FAS: variants seen among roughly 807,000 people sequenced by gnomAD.
The protein encoded by FAS is tumor necrosis factor receptor superfamily member 6.
Under a neutral mutation model 33.2 loss-of-function variants are expected in FAS, and 5 were observed. The observed-to-expected ratio is 0.15, with a 90% CI of 0.08 to 0.32. FAS has a LOEUF of 0.32. FAS is among the 10% of genes least tolerant of loss of function. The pLI is 1.00. For missense variants in FAS, 339 were observed against 386.0 expected, an observed-to-expected ratio of 0.88 and a Z score of 1.02; for synonymous variants, 131 against 130.7, an observed-to-expected ratio of 1.00 and a Z score of -0.01.
At chr10:88,987,525 G>A (rs1846939002), upstream of FAS, among the ~76,000 whole-genome samples, 1 of 152,176 alleles carries the variant, frequency 6.6e-6, no homozygotes, top group African/African-American at 2.4e-5. Flanking sequence ...AGCTCTGGCA[G>A]GGCCACAAGC....
At chr10:88,975,628 T>A (rs182771804) in intron 2 of FAS, among the ~76,000 whole-genome samples, 21 of 151,720 alleles carry the variant, frequency 1.4e-4, no homozygotes, top group African/African-American at 5.1e-4. Flanking sequence ...GATCGTAAGT[T>A]CCATGAGAGT....
chr10:88,997,845 G>A (rs9658705), intron 1 of FAS, among the ~76,000 whole-genome samples: 2,172 of 152,270 alleles, frequency 0.014, 55 homozygotes, highest in African/African-American at 0.049. Context: ...GCAGTAGAGG[G>A]TGGTGAGATT....
chr10:89,006,448 G>A (rs1342628851), intron 2 of FAS, among the ~76,000 whole-genome samples: 2 of 152,096 alleles, frequency 1.3e-5, no homozygotes, highest in Non-Finnish European at 2.9e-5. Context: ...AAGTTATTAA[G>A]GAATTCATGT....
chr10:88,984,237 T>C (rs1031379682), upstream of FAS, among the ~76,000 whole-genome samples: 1 of 152,178 alleles, frequency 6.6e-6, no homozygotes, highest in African/African-American at 2.4e-5. Flanking sequence ...CCTTGAGAAA[T>C]AGTAGGAGCC....
chr10:88,967,413 A>C (rs753269669), intron 1 of FAS, among the ~76,000 whole-genome samples: 1 of 152,168 alleles, frequency 6.6e-6, no homozygotes, highest in Non-Finnish European at 1.5e-5. Context: ...CATCTATAAA[A>C]TGAGAAGGAT....
intron 3 of FAS, 21 bp downstream of exon 3, chr10:89,007,858 T>C (rs1486664933): frequency 6.2e-7 from 1 of 1,613,492 alleles, no homozygotes. Flanking sequence ...TAAAATGCAA[T>C]TGAAAGAGGC....
rs1397965268 is a variant in FAS, at chr10:89,016,218, C to T, written c.*1768C>T. 4.6e-6 allele frequency: 1 copy of T among 217,116 alleles called. No homozygotes were observed. Among genetic ancestry groups the T allele is most frequent in the Non-Finnish European group, 9.3e-6 (1 of 107,934 alleles). 13.4% of individuals were successfully genotyped at this position (217,116 alleles called of 1,614,324 possible). ...CATGAGTCCCAAAGTATTAGCATTT[C>T]AACATGTAAGCATGTCGGTAAGATA... On this transcript the variant is annotated 3_prime_UTR_variant, in exon 9 of 9. Transcript: ENST00000652046.
At position 89,014,471 on chromosome 10, in the gene FAS, G is replaced by T; in HGVS notation, c.*21G>T. 2 of 1,598,356 alleles carry T rather than the reference G, an allele frequency of 1.3e-6. No homozygotes were observed. Among genetic ancestry groups the T allele is most frequent in the East Asian group, 4.5e-5 (2 of 44,808 alleles). On this transcript the variant is annotated 3_prime_UTR_variant, in exon 9 of 9. Coordinates refer to ENST00000652046, the MANE Select transcript of FAS (RefSeq NM_000043.6). ...TCTAGAGTGAAAAACAACAAATTCA[G>T]TTCTGAGTATATGCAATTAGTGTTT...
intron 2 of FAS, chr10:88,975,058 C>T (rs185945232): frequency 9.9e-5 from 15 of 151,938 alleles, no homozygotes; most frequent in African/African-American, 3.4e-4. Flanking sequence ...GCATGTAGTT[C>T]GTGCTCCATG....
chr10:88,978,021 T>G (rs1171536035), intron 2 of FAS, among the ~76,000 whole-genome samples: 1 of 43,492 alleles, frequency 2.3e-5, no homozygotes, highest in African/African-American at 9.6e-5. Flanking sequence ...AATGATAGAC[T>G]GGATTAAGAA....
Position 89,007,730 on chromosome 10 carries a change from A to G in FAS, c.227A>G (p.Asn76Ser), listed in dbSNP as rs574101415. ...AGGAAAGCTAGGGACTGCACAGTCAATGGGGATGAACCAGACTGCGTGCCC... is the reference window on the plus strand; with the variant it reads ...AGGAAAGCTAGGGACTGCACAGTCAGTGGGGATGAACCAGACTGCGTGCCC... ...GERKARDCTV[N>S]GDEPDCVPCQ... The change falls in exon 3 of 9, where the codon AAT becomes AGT. Residue 76 changes from asparagine (N) to serine (S), a missense_variant. Around this residue, in one of 3 missense-constraint regions of FAS, gnomAD observed 276 missense variants for 300.1 expected, o/e 0.92. Coordinates refer to ENST00000652046, the MANE Select transcript of FAS (RefSeq NM_000043.6). 1.9e-5 allele frequency: 30 copies of G among 1,613,898 alleles called. No individual in the cohort carries two copies. Among genetic ancestry groups the G allele is most frequent in the Non-Finnish European group, 2.5e-5 (29 of 1,179,948 alleles).
At chr10:88,989,616 G>C, upstream of FAS, 1 of 533,536 alleles carries the variant, frequency 1.9e-6, no homozygotes, top group East Asian at 4.6e-5. Context: ...CAGGGTGATG[G>C]AAAGCCCTCA....
chr10:88,997,954 T>C (rs529176443), intron 1 of FAS, among the ~76,000 whole-genome samples: 1 of 152,324 alleles, frequency 6.6e-6, no homozygotes, highest in South Asian at 2.1e-4. Context: ...GGAAATCTCT[T>C]GCCTATTTAG....
Position 89,016,152 on chromosome 10 carries a change from C to G in FAS, c.*1702C>G, listed in dbSNP as rs765005385. 10 of 220,014 alleles carry G rather than the reference C, an allele frequency of 4.5e-5. No individual in the cohort carries two copies. Among genetic ancestry groups the G allele is most frequent in the Non-Finnish European group, 9.1e-5 (10 of 109,846 alleles). 13.6% of individuals were successfully genotyped at this position (220,014 alleles called of 1,614,324 possible). ...ACATGCTGGCCAGTGGGCCACCTTT[C>G]TTTTCTGCAATTTAATGCTAGTAAT... On this transcript the variant is annotated 3_prime_UTR_variant, in exon 9 of 9. Transcript: ENST00000652046.
upstream of FAS, among the ~76,000 whole-genome samples, chr10:88,985,625 C>T (rs1197486594): frequency 6.6e-6 from 1 of 152,206 alleles, no homozygotes; most frequent in Non-Finnish European, 1.5e-5. Context: ...CAGGGAAAGG[C>T]TGGTGCCCTG....
chr10:89,000,896 A>C (rs1436842716), intron 1 of FAS, among the ~76,000 whole-genome samples: 1 of 125,414 alleles, frequency 8.0e-6, no homozygotes, highest in Non-Finnish European at 1.8e-5. Context: ...AAAATACAAA[A>C]AATTAGCCGT....
At chr10:88,974,446 G>T (rs906307270) in intron 2 of FAS, 1 of 152,230 alleles carries the variant, frequency 6.6e-6, no homozygotes, top group African/African-American at 2.4e-5. Context: ...AATTGCTAGA[G>T]AATGCAATTT....
chr10:88,975,483 TCTC>T (rs1412995039), intron 2 of FAS, among the ~76,000 whole-genome samples: 1 of 152,132 alleles, frequency 6.6e-6, no homozygotes, highest in African/African-American at 2.4e-5. Flanking sequence ...CTTTCCCAGT[TCTC>T]CAATACGTAA....
intron 2 of FAS, among the ~76,000 whole-genome samples, chr10:89,004,805 T>C (rs1235831354): frequency 6.6e-6 from 1 of 152,144 alleles, no homozygotes; most frequent in African/African-American, 2.4e-5. Flanking sequence ...GTCTATAAAA[T>C]ATCCTGGATG....
Sources: gnomAD v4.1 joint callset for allele counts (sites outside exome capture counted in the v4.1 genomes callset) on GRCh38, gnomAD v4.1.1 for gene constraint, gnomAD v4.1.1 regional missense constraint, MANE v1.5 for transcripts, NCBI Gene and HGNC (gene_info 2026-07-23, HGNC 2026-07-21) for gene names.